Variants in LUC7L observed in about 807,000 individuals in gnomAD.
LUC7L encodes putative RNA-binding protein Luc7-like 1.
LUC7L carries 29 observed loss-of-function variants against 51.1 expected under a neutral mutation model. That is an observed-to-expected ratio of 0.57 (90% CI 0.42 to 0.77). The LOEUF (loss-of-function observed/expected upper bound fraction) is 0.77, where lower values mean the gene tolerates loss of function less well. LUC7L is among the 30% of genes least tolerant of loss of function. LUC7L has a pLI of 0.00. For missense variants in LUC7L, 403 were observed against 511.9 expected (o/e 0.79, Z 2.05); for synonymous variants, 181 against 180.7 (o/e 1.00, Z -0.01).
At chr16:206,389 T>C (rs1164278563) in intron 4 of LUC7L, among the ~76,000 whole-genome samples, 1 of 152,178 alleles carries the variant, frequency 6.6e-6, no homozygotes, top group Non-Finnish European at 1.5e-5. Context: ...TCATCACAGA[T>C]TGGTCATTGT....
At chr16:216,702 C>T (rs762019469) in intron 3 of LUC7L, among the ~76,000 whole-genome samples, 2 of 152,010 alleles carry the variant, frequency 1.3e-5, no homozygotes, top group East Asian at 1.9e-4. Flanking sequence ...TATGAGCCCC[C>T]TGTAAGGTCA....
intron 6 of LUC7L, among the ~76,000 whole-genome samples, chr16:196,811 G>C (rs1483678138): frequency 1.3e-5 from 2 of 151,852 alleles, no homozygotes; most frequent in African/African-American, 2.4e-5. Context: ...ACAGGTGTGA[G>C]CCACCATGCC....
intron 1 of LUC7L, 147 bp downstream of exon 1, chr16:229,132 C>G (rs919315908): frequency 2.1e-6 from 3 of 1,404,818 alleles, no homozygotes; most frequent in Non-Finnish European, 2.8e-6. Flanking sequence ...GACAAAGGCC[C>G]GGCGCCTGCG....
intron 2 of LUC7L, among the ~76,000 whole-genome samples, chr16:226,525 G>A (rs907414353): frequency 7.0e-4 from 107 of 152,226 alleles, no homozygotes; most frequent in African/African-American, 2.6e-3. Flanking sequence ...ATATTCATTA[G>A]ATAGCATGTT....
intron 1 of LUC7L, chr16:227,651 T>G: frequency 8.9e-7 from 1 of 1,124,730 alleles, no homozygotes; most frequent in Non-Finnish European, 1.1e-6. Context: ...GCAATGAGAC[T>G]GCAAAACCCA....
chr16:197,402 G>C (rs2049182615), intron 6 of LUC7L, among the ~76,000 whole-genome samples: 1 of 151,682 alleles, frequency 6.6e-6, no homozygotes, highest in Non-Finnish European at 1.5e-5. Context: ...TAGTAAAGAC[G>C]GGGTTTCACT....
At chr16:208,400 G>A in intron 3 of LUC7L, 1 of 465,806 alleles carries the variant, frequency 2.1e-6, no homozygotes, top group Non-Finnish European at 3.7e-6. Flanking sequence ...TGGAAGCATG[G>A]TCTTCTCATT....
chr16:224,540 C>G (rs1389597832), intron 2 of LUC7L, among the ~76,000 whole-genome samples: 11 of 149,928 alleles, frequency 7.3e-5, no homozygotes. Context: ...AAAAAGAAAA[C>G]CTCATGAGGC....
intron 4 of LUC7L, 42 bp from the exon 5 acceptor site, chr16:206,189 A>C: frequency 1.3e-6 from 2 of 1,589,738 alleles, no homozygotes; most frequent in Non-Finnish European, 1.7e-6. Flanking sequence ...TCTGAAAATG[A>C]AAGTGAATGC....
At chr16:194,838 C>G (rs983741340) in intron 6 of LUC7L, among the ~76,000 whole-genome samples, 1 of 152,196 alleles carries the variant, frequency 6.6e-6, no homozygotes, top group African/African-American at 2.4e-5. Context: ...ATACCCACTA[C>G]TCCCAATATC....
intron 1 of LUC7L, 84 bp from the exon 2 acceptor site, chr16:227,420 G>T (rs912589702): frequency 9.8e-6 from 15 of 1,524,284 alleles, no homozygotes; most frequent in Admixed American, 2.0e-5. Context: ...TCACCTGGAT[G>T]ATTTGCAGAC....
chr16:203,489 T>G (rs1292849502), intron 5 of LUC7L, among the ~76,000 whole-genome samples: 1 of 151,860 alleles, frequency 6.6e-6, no homozygotes, highest in Non-Finnish European at 1.5e-5. Flanking sequence ...GGCAGATCGC[T>G]TGAGCCAAGG....
chr16:226,826 A>T (rs747717322), intron 2 of LUC7L, among the ~76,000 whole-genome samples: 2 of 152,266 alleles, frequency 1.3e-5, no homozygotes, highest in Non-Finnish European at 2.9e-5. Flanking sequence ...AGAATTTTAC[A>T]ACAGTGAAAT....
chr16:189,687 G>C, intron 9 of LUC7L: 1 of 1,348,672 alleles, frequency 7.4e-7, no homozygotes, highest in Non-Finnish European at 9.5e-7. Flanking sequence ...GGCCTGGTCA[G>C]GACACAAGTC....
intron 3 of LUC7L, among the ~76,000 whole-genome samples, chr16:219,176 G>A (rs1008857732): frequency 9.9e-5 from 15 of 151,466 alleles, no homozygotes; most frequent in Non-Finnish European, 5.9e-5. Context: ...GGATCACAAG[G>A]TCAGGAGATC....
intron 1 of LUC7L, 21 bp downstream of exon 1, chr16:229,258 T>C: frequency 6.5e-7 from 1 of 1,531,790 alleles, no homozygotes; most frequent in Non-Finnish European, 8.7e-7. Flanking sequence ...GACCCTCGCC[T>C]GGTTGGCCGC....
rs539909752 is a variant in LUC7L, at chr16:219,857, G to A, written c.255+792C>T. ...GCTCTCCAGCCTGAGCAACAAGAGTGAAACTCCGTCTCAAAAAAAAAAAAA... is the reference window on the plus strand; with the variant it reads ...GCTCTCCAGCCTGAGCAACAAGAGTAAAACTCCGTCTCAAAAAAAAAAAAA... On this transcript the variant is annotated intron_variant, in intron 3 of 9. Coordinates refer to ENST00000293872, the MANE Select transcript of LUC7L (RefSeq NM_201412.3). Among the ~76,000 whole-genome samples the A allele has an allele frequency of 1.7e-3, 250 of 148,392 alleles. 1 individual carries two copies. The highest frequency in any genetic ancestry group is 6.0e-3 in the African/African-American group (240 of 40,238).
chr16:228,606 A>G (rs147880117), intron 1 of LUC7L: 11 of 1,189,866 alleles, frequency 9.2e-6, no homozygotes, highest in Middle Eastern at 4.7e-4. Context: ...AGAAAACACA[A>G]ACCACAGCAG....
intron 3 of LUC7L, among the ~76,000 whole-genome samples, chr16:217,261 C>T (rs904112151): frequency 6.6e-6 from 1 of 152,030 alleles, no homozygotes; most frequent in Non-Finnish European, 1.5e-5. Context: ...AGGTGATCCA[C>T]CCACCTCAGC....
Sources: gnomAD v4.1 joint callset for allele counts (sites outside exome capture counted in the v4.1 genomes callset) on GRCh38, gnomAD v4.1.1 for gene constraint, MANE v1.5 for transcripts, NCBI Gene and HGNC (gene_info 2026-07-23, HGNC 2026-07-21) for gene names.